The following ZNF804B variants were observed in gnomAD, a reference collection of about 807,000 sequenced individuals.
ZNF804B encodes zinc finger 804B.
Under a neutral mutation model 101.4 loss-of-function variants are expected in ZNF804B, and 80 were observed. The observed-to-expected ratio is 0.79, with a 90% CI of 0.66 to 0.95. The LOEUF is 0.95. ZNF804B is among the 40% of genes least tolerant of loss of function. The pLI, the probability that ZNF804B is intolerant of heterozygous loss-of-function variation, is 0.00. For synonymous variants in ZNF804B, 622 were observed against 558.8 expected (o/e 1.11, Z -1.59); for missense variants, 1,673 against 1,561.9 (o/e 1.07, Z -1.20).
intron 1 of ZNF804B, among the ~76,000 whole-genome samples, chr7:88,918,924 A>C (rs1285591203): frequency 2.0e-5 from 3 of 152,156 alleles, no homozygotes; most frequent in Non-Finnish European, 4.4e-5. Context: ...TCAAAGGAAT[A>C]TGTGTCCTTC....
intron 2 of ZNF804B, among the ~76,000 whole-genome samples, chr7:89,317,121 G>T (rs114373319): frequency 1.9e-3 from 282 of 152,302 alleles, no homozygotes; most frequent in African/African-American, 6.6e-3. Flanking sequence ...AGAGCCAAAA[G>T]AAGTCTTCTT....
rs1403153568 is a variant in ZNF804B at position 89,334,489 on chromosome 7, A to C, written c.1507A>C (p.Lys503Gln). ...NLEDLKTELG[K>Q]KPLELKTKRE... ...AGAGGACTTAAAAACAGAATTGGGT[A>C]AGAAGCCCTTGGAATTGAAGACTAA... Residue 503 changes from lysine (K) to glutamine (Q), a missense_variant, in exon 4 of 4, where the codon AAG becomes CAG. Lys to Gln is a moderately conservative substitution (Grantham distance 53). Transcript: ENST00000333190. 24 of 1,613,784 alleles carry C rather than the reference A, an allele frequency of 1.5e-5. No individual in the cohort carries two copies. The highest frequency in any genetic ancestry group is 1.9e-5 in the Non-Finnish European group (22 of 1,179,838).
intron 1 of ZNF804B, among the ~76,000 whole-genome samples, chr7:89,096,225 C>G (rs78762320): frequency 1.3e-5 from 2 of 151,152 alleles, no homozygotes; most frequent in Non-Finnish European, 2.9e-5. Flanking sequence ...TGTGACTAGA[C>G]AAGTTAATGT....
intron 1 of ZNF804B, among the ~76,000 whole-genome samples, chr7:88,837,979 A>C (rs1267685573): frequency 2.0e-5 from 3 of 151,820 alleles, no homozygotes; most frequent in East Asian, 3.8e-4. Flanking sequence ...TAAATTAATA[A>C]GTATTTTAAT....
intron 2 of ZNF804B, among the ~76,000 whole-genome samples, chr7:89,310,664 G>C (rs1412021466): frequency 6.6e-6 from 1 of 152,148 alleles, no homozygotes; most frequent in Non-Finnish European, 1.5e-5. Flanking sequence ...CTAAACTAGA[G>C]TATAAAAGAG....
At chr7:89,247,716 C>T (rs935208150) in intron 2 of ZNF804B, among the ~76,000 whole-genome samples, 3 of 152,142 alleles carry the variant, frequency 2.0e-5, no homozygotes, top group Admixed American at 1.3e-4. Context: ...TGTAGCAACA[C>T]CAAAGGATCA....
chr7:89,124,306 CT>C (rs1393473330), intron 1 of ZNF804B, among the ~76,000 whole-genome samples: 1 of 152,138 alleles, frequency 6.6e-6, no homozygotes, highest in Non-Finnish European at 1.5e-5. Flanking sequence ...CTCAGTCTAG[CT>C]TTGTATTTAC....
intron 1 of ZNF804B, among the ~76,000 whole-genome samples, chr7:89,203,923 A>G (rs1788681587): frequency 6.6e-6 from 1 of 152,210 alleles, no homozygotes; most frequent in Admixed American, 6.5e-5. Context: ...TACCAGAACA[A>G]TTTAAGAAGT....
chr7:89,189,075 TGTGGCTG>T (rs1488889627), intron 1 of ZNF804B, among the ~76,000 whole-genome samples: 4 of 152,098 alleles, frequency 2.6e-5, no homozygotes, highest in African/African-American at 9.7e-5. Context: ...CAGGGGATAA[TGTGGCTG>T]GTGACTTTAA....
At chr7:88,832,661 A>G (rs1050073306) in intron 1 of ZNF804B, among the ~76,000 whole-genome samples, 6 of 151,462 alleles carry the variant, frequency 4.0e-5, no homozygotes, top group Non-Finnish European at 5.9e-5. Flanking sequence ...TTTTTATGGC[A>G]TTTCCTGAAT....
At chr7:88,955,000 G>T (rs950146114) in intron 1 of ZNF804B, among the ~76,000 whole-genome samples, 1 of 150,954 alleles carries the variant, frequency 6.6e-6, no homozygotes, top group African/African-American at 2.4e-5. Context: ...GCGGCTCACG[G>T]TTATAATCCT....
chr7:89,210,501 C>T (rs912828643), intron 1 of ZNF804B, among the ~76,000 whole-genome samples: 1 of 152,122 alleles, frequency 6.6e-6, no homozygotes, highest in Non-Finnish European at 1.5e-5. Context: ...CATCCCCCAC[C>T]CAACCCCTGG....
intron 1 of ZNF804B, among the ~76,000 whole-genome samples, chr7:89,099,217 A>G (rs945933086): frequency 3.9e-5 from 6 of 152,036 alleles, no homozygotes; most frequent in African/African-American, 1.4e-4. Context: ...GTGAGATTAC[A>G]GAGCTAAAAC....
At chr7:89,140,849 T>C (rs1212271371) in intron 1 of ZNF804B, among the ~76,000 whole-genome samples, 3 of 152,108 alleles carry the variant, frequency 2.0e-5, no homozygotes, top group Admixed American at 6.6e-5. Flanking sequence ...TTTTTTACAC[T>C]AACAGCTTGG....
chr7:89,312,747 T>C (rs528455427), intron 2 of ZNF804B, among the ~76,000 whole-genome samples: 1 of 151,120 alleles, frequency 6.6e-6, no homozygotes, highest in African/African-American at 2.4e-5. Flanking sequence ...TAGTCCCAGC[T>C]ACTAGGAAGG....
chr7:88,938,182 T>C (rs187191065), intron 1 of ZNF804B, among the ~76,000 whole-genome samples: 1 of 152,164 alleles, frequency 6.6e-6, no homozygotes, highest in East Asian at 1.9e-4. Context: ...TTGGTTGAGT[T>C]TGTCTAAAGA....
intron 1 of ZNF804B, among the ~76,000 whole-genome samples, chr7:89,136,104 G>A (rs1383808808): frequency 2.0e-5 from 3 of 151,984 alleles, no homozygotes; most frequent in Admixed American, 2.0e-4. Flanking sequence ...ATATAATGTT[G>A]ATTATTAGAA....
chr7:89,014,683 T>A (rs1388471897), intron 1 of ZNF804B, among the ~76,000 whole-genome samples: 2 of 152,212 alleles, frequency 1.3e-5, no homozygotes, highest in African/African-American at 2.4e-5. Flanking sequence ...TTCAGATCAT[T>A]TGCCCATTTT....
chr7:89,198,650 A>G (rs141634864), intron 1 of ZNF804B, among the ~76,000 whole-genome samples: 62 of 152,152 alleles, frequency 4.1e-4, no homozygotes, highest in Non-Finnish European at 8.0e-4. Context: ...ATCTTTGAGT[A>G]GATTTATCTG....
Sources: gnomAD v4.1 joint callset for allele counts (sites outside exome capture counted in the v4.1 genomes callset) on GRCh38, gnomAD v4.1.1 for gene constraint, MANE v1.5 for transcripts, NCBI Gene and HGNC (gene_info 2026-07-23, HGNC 2026-07-21) for gene names.